The following PHC2 variants were observed in gnomAD, a reference collection of about 807,000 sequenced individuals.
PHC2 encodes the protein polyhomeotic homolog 2, also known as polyhomeotic-like protein 2.
PHC2 carries 29 observed loss-of-function variants against 87.4 expected under a neutral mutation model. The ratio of observed to expected loss-of-function variants is 0.33; its 90% CI spans 0.25 to 0.45. PHC2 has a LOEUF of 0.45. Ranked by LOEUF, PHC2 falls within the 20% of genes least tolerant of loss-of-function variation. The pLI is 1.00. For synonymous variants in PHC2, 438 were observed against 461.7 expected (o/e 0.95, Z 0.66); for missense variants, 857 against 1,136.7 (o/e 0.75, Z 3.54).
At chr1:33,399,602 A>G (rs903897595) in intron 1 of PHC2, among the ~76,000 whole-genome samples, 15 of 152,200 alleles carry the variant, frequency 9.9e-5, no homozygotes, top group Non-Finnish European at 1.3e-4. Context: ...CCAGGCCTTC[A>G]CATAACCTAA....
chr1:33,403,179 T>G (rs111334271), intron 1 of PHC2, among the ~76,000 whole-genome samples: 2,081 of 126,472 alleles, frequency 0.016, 55 homozygotes, highest in African/African-American at 0.06. Context: ...CAGGCTGAAG[T>G]GCAGTGGTGC....
intron 7 of PHC2, among the ~76,000 whole-genome samples, chr1:33,357,315 G>C (rs921029751): frequency 6.6e-6 from 1 of 152,204 alleles, no homozygotes; most frequent in African/African-American, 2.4e-5. Context: ...ACTGAGTTAG[G>C]GGAGGTGCCT....
At chr1:33,346,035 TA>T (rs1646839230) in intron 9 of PHC2, 1 of 985,368 alleles carries the variant, frequency 1.0e-6, no homozygotes. Context: ...AACCATGCCC[TA>T]AAAACATTTA....
At chr1:33,360,422 GAGTC>G (rs1314333236) in intron 7 of PHC2, among the ~76,000 whole-genome samples, 1 of 152,282 alleles carries the variant, frequency 6.6e-6, no homozygotes, top group African/African-American at 2.4e-5. Flanking sequence ...ATGGGTTTTA[GAGTC>G]AGTCAGATCT....
intron 9 of PHC2, among the ~76,000 whole-genome samples, chr1:33,352,182 G>C (rs1646986935): frequency 6.6e-6 from 1 of 152,162 alleles, no homozygotes; most frequent in Non-Finnish European, 1.5e-5. Flanking sequence ...ACAAACACTT[G>C]AGCAAAAAAT....
Position 33,412,360 on chromosome 1 carries a change from G to A in PHC2, c.-55+18616C>T, listed in dbSNP as rs988043405. On this transcript the variant is annotated intron_variant, in intron 1 of 14. Coordinates refer to ENST00000683057, the MANE Select transcript of PHC2 (RefSeq NM_001385109.1). ...CCTTTCTCTTAACTATTAATTATATGATAACTTAAAAATCAAAGTGTTACT... is the reference window on the plus strand; with the variant it reads ...CCTTTCTCTTAACTATTAATTATATAATAACTTAAAAATCAAAGTGTTACT... Among the ~76,000 whole-genome samples, 7 of 152,130 alleles carry A rather than the reference G, an allele frequency of 4.6e-5. No individual in the cohort carries two copies. In the East Asian group the frequency reaches 1.3e-3, roughly 29 times the overall value.
chr1:33,374,996 A>G (rs565110622), intron 2 of PHC2, among the ~76,000 whole-genome samples: 1 of 152,320 alleles, frequency 6.6e-6, no homozygotes, highest in East Asian at 1.9e-4. Context: ...CTGCAATGAC[A>G]AAGGATTATT....
intron 1 of PHC2, among the ~76,000 whole-genome samples, chr1:33,394,789 C>T (rs1014926081): frequency 3.3e-5 from 5 of 152,222 alleles, no homozygotes; most frequent in South Asian, 2.1e-4. Context: ...AGGCTGGTCT[C>T]GAACTACTGG....
intron 1 of PHC2, among the ~76,000 whole-genome samples, chr1:33,416,553 G>T (rs535633545): frequency 7.7e-6 from 1 of 130,684 alleles, no homozygotes; most frequent in African/African-American, 3.1e-5. Flanking sequence ...TCCAGCCTGG[G>T]CAACAGAGTG....
At chr1:33,404,355 C>A (rs554959860) in intron 1 of PHC2, among the ~76,000 whole-genome samples, 26 of 152,110 alleles carry the variant, frequency 1.7e-4, no homozygotes, top group Non-Finnish European at 3.2e-4. Context: ...GAAATAAAAT[C>A]TTTCAAAAAA....
chr1:33,347,128 T>C, intron 9 of PHC2: 6 of 985,400 alleles, frequency 6.1e-6, no homozygotes, highest in Non-Finnish European at 6.0e-6. Flanking sequence ...GAGTGGATTC[T>C]GGGGCTGAGC....
intron 1 of PHC2, among the ~76,000 whole-genome samples, chr1:33,412,416 GCATT>G (rs1468000284): frequency 1.3e-5 from 2 of 152,148 alleles, no homozygotes; most frequent in Non-Finnish European, 2.9e-5. Context: ...GCGTGCGCGT[GCATT>G]CAAACACTAA....
intron 2 of PHC2, among the ~76,000 whole-genome samples, chr1:33,373,927 C>T (rs1648011280): frequency 1.3e-5 from 2 of 152,158 alleles, no homozygotes; most frequent in South Asian, 4.1e-4. Context: ...TCTGTAAAAA[C>T]AGCCTGTTGT....
intron 1 of PHC2, among the ~76,000 whole-genome samples, chr1:33,379,356 CCCCCCA>C (rs1648364834): frequency 1.5e-5 from 1 of 64,612 alleles, no homozygotes; most frequent in Non-Finnish European, 3.1e-5. Flanking sequence ...GCCCCCTGCC[CCCCCCA>C]TCCCCCCTGT....
At chr1:33,394,439 T>A (rs893458877) in intron 1 of PHC2, among the ~76,000 whole-genome samples, 2 of 152,168 alleles carry the variant, frequency 1.3e-5, no homozygotes, top group Non-Finnish European at 1.5e-5. Context: ...TCAGTGACTC[T>A]CTCCTCCAGC....
At position 33,375,421 on chromosome 1, in the gene PHC2, G is replaced by A. The variant is rs1648119490; in HGVS notation, c.119C>T (p.Pro40Leu). ...GTACACAGAAATCTGGGGCCCGGTG[G>A]GGCGGCCACTTCCACCACTGCTGCT... The part of the protein sequence containing the change: ...NNSSSGGSGR[P>L]TGPQISVYSG... The change falls in exon 2 of 15, where the codon CCC becomes CTC. Residue 40 changes from proline to leucine, a missense_variant. Physicochemically the swap from Pro to Leu is moderately conservative, Grantham distance 98 (BLOSUM62 -3). Coordinates refer to ENST00000683057, the MANE Select transcript of PHC2 (RefSeq NM_001385109.1). The A allele has an allele frequency of 6.2e-7, 1 of 1,611,832 alleles. No homozygotes were observed. The highest frequency in any genetic ancestry group is 8.5e-7 in the Non-Finnish European group (1 of 1,179,040).
chr1:33,429,440 C>A (rs1557851738), intron 1 of PHC2, among the ~76,000 whole-genome samples: 1 of 152,212 alleles, frequency 6.6e-6, no homozygotes, highest in African/African-American at 2.4e-5. Context: ...GCTGTTCCCC[C>A]GCTTTGGCTG....
At position 33,349,573 on chromosome 1, in the gene PHC2, C is replaced by A. The variant is rs1646918865; in HGVS notation, c.1558+4828G>T. On this transcript the variant is annotated intron_variant, in intron 9 of 14. Transcript: ENST00000683057. The surrounding 1 kb of genome is among the most constrained non-coding windows in gnomAD (Gnocchi z 4.2). ...CCCCCGGCCTCCCTACTGGCGAGAA[C>A]CCCTCCCCCGCCCCGGCACTGACCT... 1 of 983,118 alleles carries A rather than the reference C, an allele frequency of 1.0e-6. No homozygotes were observed. The highest frequency in any genetic ancestry group is 1.2e-6 in the Non-Finnish European group (1 of 828,422). 60.9% of individuals were successfully genotyped at this position (983,118 alleles called of 1,614,324 possible).
At chr1:33,337,188 T>C (rs1280107181) in intron 9 of PHC2, among the ~76,000 whole-genome samples, 1 of 152,188 alleles carries the variant, frequency 6.6e-6, no homozygotes, top group African/African-American at 2.4e-5. Flanking sequence ...AATTATAGGA[T>C]TGGAAAGTCT....
Sources: gnomAD v4.1 joint callset for allele counts (sites outside exome capture counted in the v4.1 genomes callset) on GRCh38, gnomAD v4.1.1 for gene constraint, Gnocchi (gnomAD v3.1) non-coding constraint, MANE v1.5 for transcripts, NCBI Gene and HGNC (gene_info 2026-07-23, HGNC 2026-07-21) for gene names.